The following GFPT2 variants were observed in gnomAD, a reference collection of about 807,000 sequenced individuals.
GFPT2 encodes the protein glutamine--fructose-6-phosphate aminotransferase [isomerizing] 2.
Under a neutral mutation model 85.6 loss-of-function variants are expected in GFPT2, and 62 were observed. That is an observed-to-expected ratio of 0.72 (90% confidence interval 0.59 to 0.90). The LOEUF (loss-of-function observed/expected upper bound fraction) is 0.90. GFPT2 is among the 40% of genes least tolerant of loss of function. The pLI is 0.00. For missense variants in GFPT2, 788 were observed against 893.4 expected, an observed-to-expected ratio of 0.88 and a Z score of 1.50; for synonymous variants, 368 against 344.5, an observed-to-expected ratio of 1.07 and a Z score of -0.75.
intron 2 of GFPT2, among the ~76,000 whole-genome samples, chr5:180,337,476 T>C (rs998996955): frequency 9.9e-5 from 14 of 141,296 alleles, no homozygotes; most frequent in African/African-American, 3.1e-4. Context: ...AAAGAATGAA[T>C]GAGTTTAGGA....
chr5:180,309,478 C>T (rs1339219016), intron 15 of GFPT2, among the ~76,000 whole-genome samples: 7 of 152,150 alleles, frequency 4.6e-5, no homozygotes, highest in Admixed American at 1.3e-4. Context: ...TGGAGTGCAA[C>T]GGCGTGATCT....
At chr5:180,331,720 ACAGTGGAAC>A in intron 4 of GFPT2, 167 bp from the exon 5 acceptor site, 1 of 646,482 alleles carries the variant, frequency 1.5e-6, no homozygotes, top group South Asian at 1.6e-5. Flanking sequence ...GGCAGCAACT[ACAGTGGAAC>A]CAGGGATTAG....
Position 180,324,237 on chromosome 5 carries a change from G to A in GFPT2, c.745C>T (p.His249Tyr). The A allele has an allele frequency of 5.0e-6, 8 of 1,612,664 alleles. No individual in the cohort carries two copies. Among genetic ancestry groups the A allele is most frequent in the Non-Finnish European group, 6.8e-6 (8 of 1,178,766 alleles). ...TCCACGGCCTTGTCGCCCACAGCAT[G>A]CAGGCAGGCGGAGCTGTCCAGCCTC... ...MKRLDSSACL[H>Y]AVGDKAVEFF... is the part of the protein sequence containing the mutation. The change falls in exon 9 of 19, where the codon CAT (histidine) becomes TAT (tyrosine). Residue 249 changes from histidine to tyrosine, a missense_variant. His to Tyr is a moderately conservative substitution (Grantham distance 83). Transcript: ENST00000253778.
At chr5:180,337,022 G>T (rs531289753) in intron 2 of GFPT2, among the ~76,000 whole-genome samples, 3 of 152,342 alleles carry the variant, frequency 2.0e-5, no homozygotes, top group Admixed American at 6.5e-5. Context: ...AAACCATCGG[G>T]CTCCCCCTTT....
chr5:180,312,633 C>T lies in GFPT2; in HGVS notation c.1432-89G>A, dbSNP rs867049760. The T allele has an allele frequency of 3.6e-5, 26 of 717,666 alleles. No homozygotes were observed. In the East Asian group the frequency reaches 3.7e-4, roughly 10 times the overall value. 44.5% of individuals were successfully genotyped at this position (717,666 alleles called of 1,614,324 possible). A position where few individuals can be genotyped will look rare whatever the true frequency, so the allele number is the denominator to read the frequency against. On this transcript the variant is annotated intron_variant, in intron 14 of 18. Coordinates refer to ENST00000253778, the MANE Select transcript of GFPT2 (RefSeq NM_005110.4). ...GAGACAGGGTCTACTCTGTTGCTCA[C>T]GCCTGAGTGCAGTGGCGAGATCACG...
At chr5:180,312,008 G>GGA (rs1554133046) in intron 15 of GFPT2, among the ~76,000 whole-genome samples, 1 of 55,036 alleles carries the variant, frequency 1.8e-5, no homozygotes, top group Non-Finnish European at 3.6e-5. Flanking sequence ...GGAGGCTGAG[G>GGA]GGCAGGGAGG....
chr5:180,301,963 G>A (rs1168913147), intron 18 of GFPT2, among the ~76,000 whole-genome samples: 1 of 151,034 alleles, frequency 6.6e-6, no homozygotes, highest in Non-Finnish European at 1.5e-5. Context: ...GTTTAGGGTG[G>A]AGTGGGAAGG....
At chr5:180,342,303 G>C (rs891260715) in intron 1 of GFPT2, among the ~76,000 whole-genome samples, 1 of 151,630 alleles carries the variant, frequency 6.6e-6, no homozygotes, top group African/African-American at 2.4e-5. Flanking sequence ...GCTTTCTGGA[G>C]ACATAAGTCA....
intron 9 of GFPT2, among the ~76,000 whole-genome samples, chr5:180,322,678 A>G (rs1449767388): frequency 6.6e-6 from 1 of 152,214 alleles, no homozygotes; most frequent in African/African-American, 2.4e-5. Flanking sequence ...AAAAATGTGT[A>G]ATAGTATTGC....
At chr5:180,341,983 C>T (rs1372159437) in intron 1 of GFPT2, among the ~76,000 whole-genome samples, 5 of 152,140 alleles carry the variant, frequency 3.3e-5, no homozygotes, top group Non-Finnish European at 7.4e-5. Context: ...ACAATTCCCA[C>T]GTGTAAGGAG....
At chr5:180,311,214 G>A (rs749248996) in intron 15 of GFPT2, among the ~76,000 whole-genome samples, 17 of 152,200 alleles carry the variant, frequency 1.1e-4, no homozygotes, top group Admixed American at 3.3e-4. Flanking sequence ...TGTCCTGTCC[G>A]CAGTGAGCGT....
In GFPT2 at chr5:180,318,019, A is replaced by G. The variant is rs1764047011; in HGVS notation, c.958+774T>C. ...CGAGCAAATGAAGCAAGTGAGGGGAATGAGGGGTGGCCACCATAGGGGAGG... is the reference window on the plus strand; with the variant it reads ...CGAGCAAATGAAGCAAGTGAGGGGAGTGAGGGGTGGCCACCATAGGGGAGG... On this transcript the variant is annotated intron_variant, in intron 10 of 18. Coordinates refer to ENST00000253778, the MANE Select transcript of GFPT2 (RefSeq NM_005110.4). This position sits in a 1 kb window ranked among gnomAD's most constrained non-coding sequence, Gnocchi z 4.2. Among the ~76,000 whole-genome samples the G allele has an allele frequency of 6.7e-6, 1 of 149,228 alleles. No individual in the cohort carries two copies. Among genetic ancestry groups the G allele is most frequent in the South Asian group, 2.3e-4 (1 of 4,436 alleles).
At chr5:180,338,690 C>A in intron 1 of GFPT2, 90 bp from the exon 2 acceptor site, 1 of 739,254 alleles carries the variant, frequency 1.4e-6, no homozygotes, top group East Asian at 2.7e-5. Flanking sequence ...GAGGTGGCAT[C>A]ACAAAGGTCT....
At chr5:180,339,802 C>T (rs1006439916) in intron 1 of GFPT2, among the ~76,000 whole-genome samples, 1 of 152,224 alleles carries the variant, frequency 6.6e-6, no homozygotes, top group African/African-American at 2.4e-5. Context: ...ACCCACAGTC[C>T]CCACCAAGGG....
intron 13 of GFPT2, among the ~76,000 whole-genome samples, chr5:180,315,467 C>A (rs559903045): frequency 6.6e-6 from 1 of 152,120 alleles, no homozygotes; most frequent in Non-Finnish European, 1.5e-5. Context: ...CGTGAGCCAC[C>A]GCGCCCGGCC....
At chr5:180,312,329 G>A (rs1029335865) in intron 15 of GFPT2, 101 bp downstream of exon 15, 3 of 723,294 alleles carry the variant, frequency 4.1e-6, no homozygotes, top group African/African-American at 1.8e-5. Context: ...TTAGGAGGAA[G>A]AAGAAATGAA....
chr5:180,319,855 C>T (rs1001589540), intron 9 of GFPT2, among the ~76,000 whole-genome samples: 3 of 152,112 alleles, frequency 2.0e-5, no homozygotes, highest in Admixed American at 1.3e-4. Context: ...CCAGGGGTTG[C>T]ACTCAGCAAA....
intron 18 of GFPT2, 22 bp from the exon 19 acceptor site, chr5:180,301,630 G>A (rs373323205): frequency 1.2e-6 from 2 of 1,603,782 alleles, no homozygotes; most frequent in African/African-American, 1.3e-5. Context: ...GAAAGTGACT[G>A]TTCAGGACCC....
intron 1 of GFPT2, among the ~76,000 whole-genome samples, chr5:180,346,300 A>G (rs895210392): frequency 6.6e-6 from 1 of 152,110 alleles, no homozygotes; most frequent in Non-Finnish European, 1.5e-5. Context: ...ATCAGCATAG[A>G]AACCTATCCC....
Sources: allele counts gnomAD v4.1 joint callset (sites outside exome capture counted in the v4.1 genomes callset), GRCh38; gene constraint gnomAD v4.1.1; non-coding constraint Gnocchi (gnomAD v3.1); transcripts MANE v1.5; gene names NCBI Gene and HGNC (gene_info 2026-07-23, HGNC 2026-07-21).